The following CPA6 variants were observed in gnomAD, a reference collection of about 807,000 sequenced individuals.
The protein encoded by CPA6 is carboxypeptidase A6.
In CPA6, 58 loss-of-function variants were observed where a neutral mutation model predicts 63.3. The observed-to-expected ratio is 0.92, with a 90% CI of 0.74 to 1.14. The LOEUF is 1.14. Among genes scored for constraint, CPA6 ranks in the 50% most tolerant of loss-of-function variants. The pLI, the probability that CPA6 is intolerant of heterozygous loss-of-function variation, is 0.00. For missense variants in CPA6, 565 were observed against 526.6 expected, an observed-to-expected ratio of 1.07 and a Z score of -0.71; for synonymous variants, 185 against 179.0, an observed-to-expected ratio of 1.03 and a Z score of -0.27.
chr8:67,650,723 T>A (rs552234543), intron 1 of CPA6, among the ~76,000 whole-genome samples: 2 of 152,252 alleles, frequency 1.3e-5, no homozygotes, highest in African/African-American at 4.8e-5. Flanking sequence ...GATGGGAGAC[T>A]GTCTACGATG....
chr8:67,529,425 T>C (rs1812431236), intron 2 of CPA6, among the ~76,000 whole-genome samples: 1 of 152,110 alleles, frequency 6.6e-6, no homozygotes, highest in Non-Finnish European at 1.5e-5. Context: ...GGCTCAGGAA[T>C]CAGTACCACT....
intron 1 of CPA6, among the ~76,000 whole-genome samples, chr8:67,632,945 T>A (rs926482189): frequency 1.1e-4 from 17 of 152,352 alleles, no homozygotes; most frequent in African/African-American, 3.6e-4. Context: ...GCATATTGAT[T>A]ATATGATTTT....
intron 2 of CPA6, among the ~76,000 whole-genome samples, chr8:67,595,801 C>G (rs551361133): frequency 9.9e-5 from 15 of 152,102 alleles, no homozygotes; most frequent in Non-Finnish European, 1.8e-4. Context: ...CTTTCCTTGA[C>G]CAGGAAAGGG....
chr8:67,717,685 T>C (rs1253506310), intron 1 of CPA6, among the ~76,000 whole-genome samples: 1 of 152,186 alleles, frequency 6.6e-6, no homozygotes, highest in African/African-American at 2.4e-5. Context: ...TATTACCTTA[T>C]GTGGCAAAAG....
intron 1 of CPA6, among the ~76,000 whole-genome samples, chr8:67,688,024 A>G (rs909801830): frequency 6.6e-6 from 1 of 152,114 alleles, no homozygotes. Flanking sequence ...AAAAATATAA[A>G]AGCCCAGCAT....
intron 1 of CPA6, among the ~76,000 whole-genome samples, chr8:67,632,305 G>A (rs1490682540): frequency 2.0e-5 from 3 of 151,642 alleles, no homozygotes; most frequent in Non-Finnish European, 4.4e-5. Context: ...CAAGTAGCTG[G>A]GACTGCAGGT....
rs138394384 is a variant in CPA6, at chr8:67,579,788, G to T, written c.192+44388C>A. 5.4e-4 allele frequency among the ~76,000 whole-genome samples: 82 copies of T among 152,292 alleles called. No homozygotes were observed. The East Asian group carries it at 0.013, about 25-fold the overall frequency. ...AGAAGATGATTTCAACACCCATAAAGGTTTATAGGAACATAGTTATGCTCA... is the reference window on the plus strand; with the variant it reads ...AGAAGATGATTTCAACACCCATAAATGTTTATAGGAACATAGTTATGCTCA... On this transcript the variant is annotated intron_variant, in intron 2 of 10. Coordinates refer to ENST00000297770, the MANE Select transcript of CPA6 (RefSeq NM_020361.5).
In CPA6 at chr8:67,518,092, G is replaced by T. The variant is rs758675183; in HGVS notation, c.193-45C>A. 2.7e-6 allele frequency: 4 copies of T among 1,481,936 alleles called. No homozygotes were observed. In the South Asian group the frequency reaches 5.9e-5, roughly 22 times the overall value. The allele number at this position is 1,481,936 out of a possible 1,614,324, so 91.8% of individuals were successfully genotyped here. On this transcript the variant is annotated intron_variant, in intron 2 of 10. Transcript: ENST00000297770. ...CTATAATTCATATCCAACGTAGGGG[G>T]GGAAAATCTGTGTCACAATGTCAAA...
intron 9 of CPA6, among the ~76,000 whole-genome samples, chr8:67,430,249 G>A (rs1356623151): frequency 6.7e-6 from 1 of 148,594 alleles, no homozygotes; most frequent in East Asian, 2.0e-4. Flanking sequence ...GCGTGATCTC[G>A]GCTTACTGCA....
chr8:67,721,257 G>A (rs539877520), intron 1 of CPA6, among the ~76,000 whole-genome samples: 38 of 152,278 alleles, frequency 2.5e-4, no homozygotes, highest in Non-Finnish European at 4.3e-4. Flanking sequence ...TGCCTTAGAG[G>A]CTAAAAAGAA....
At chr8:67,620,341 C>A (rs955777998) in intron 2 of CPA6, among the ~76,000 whole-genome samples, 2 of 152,140 alleles carry the variant, frequency 1.3e-5, no homozygotes, top group Admixed American at 1.3e-4. Flanking sequence ...AAAGGAATGG[C>A]TGTCCCATCA....
intron 2 of CPA6, among the ~76,000 whole-genome samples, chr8:67,599,288 T>C (rs1479792708): frequency 6.6e-6 from 1 of 152,240 alleles, no homozygotes; most frequent in Non-Finnish European, 1.5e-5. Context: ...CATGCTTCTG[T>C]AAACTTGATG....
chr8:67,640,068 C>G (rs1479877536), intron 1 of CPA6, among the ~76,000 whole-genome samples: 4 of 151,234 alleles, frequency 2.6e-5, no homozygotes, highest in Admixed American at 2.6e-4. Flanking sequence ...ATTTCATGGG[C>G]CTCAGAGGGG....
intron 1 of CPA6, among the ~76,000 whole-genome samples, chr8:67,714,338 C>T (rs1436829638): frequency 6.6e-6 from 1 of 152,174 alleles, no homozygotes; most frequent in Non-Finnish European, 1.5e-5. Context: ...GTGGTGATTG[C>T]AGAGAAAACT....
chr8:67,691,678 T>A (rs1449922732), intron 1 of CPA6, among the ~76,000 whole-genome samples: 3 of 152,242 alleles, frequency 2.0e-5, no homozygotes, highest in African/African-American at 7.2e-5. Context: ...GATGTAAATA[T>A]CTCTGTAAAA....
intron 2 of CPA6, among the ~76,000 whole-genome samples, chr8:67,612,736 T>C (rs1814843535): frequency 6.6e-6 from 1 of 152,226 alleles, no homozygotes; most frequent in South Asian, 2.1e-4. Flanking sequence ...AAAGTCTTTG[T>C]GGTTATGGCT....
chr8:67,623,946 G>A (rs1014784179), intron 2 of CPA6, among the ~76,000 whole-genome samples: 2 of 152,126 alleles, frequency 1.3e-5, no homozygotes, highest in Non-Finnish European at 2.9e-5. Context: ...GCAGTGAGCC[G>A]AGATCGCACC....
intron 1 of CPA6, among the ~76,000 whole-genome samples, chr8:67,675,629 A>G (rs1816454281): frequency 6.6e-6 from 1 of 152,184 alleles, no homozygotes; most frequent in Non-Finnish European, 1.5e-5. Flanking sequence ...AAAACAGGGT[A>G]CTGCCTCAAC....
chr8:67,442,328 G>T (rs1021447332), intron 8 of CPA6, among the ~76,000 whole-genome samples: 4 of 151,636 alleles, frequency 2.6e-5, no homozygotes, highest in Non-Finnish European at 5.9e-5. Flanking sequence ...ATGTGATATT[G>T]TAATATGATG....
Sources: gnomAD v4.1 joint callset for allele counts (sites outside exome capture counted in the v4.1 genomes callset) on GRCh38, gnomAD v4.1.1 for gene constraint, MANE v1.5 for transcripts, NCBI Gene and HGNC (gene_info 2026-07-23, HGNC 2026-07-21) for gene names.